The following HYAL4 variants were observed in gnomAD, a reference collection of about 807,000 sequenced individuals.
HYAL4 encodes the protein hyaluronidase 4.
In HYAL4, 37 loss-of-function variants were observed where a neutral mutation model predicts 35.2. The ratio of observed to expected loss-of-function variants is 1.05; its 90% confidence interval spans 0.81 to 1.38. HYAL4 has a LOEUF of 1.38. HYAL4 is among the 40% of genes most tolerant of loss of function. The pLI is 0.00. For missense variants in HYAL4, 572 were observed against 572.4 expected (o/e 1.00, Z 0.01); for synonymous variants, 198 against 203.2 (o/e 0.97, Z 0.22).
chr7:123,855,525 C>T (rs372789117), intron 2 of HYAL4, among the ~76,000 whole-genome samples: 2 of 151,968 alleles, frequency 1.3e-5, no homozygotes, highest in East Asian at 3.9e-4. Context: ...TGATATTGGC[C>T]CCCACTTTCT....
the HYAL4 span, among the ~76,000 whole-genome samples, chr7:123,774,514 T>A: frequency 2.5e-3 from 376 of 152,290 alleles, 2 homozygotes; most frequent in African/African-American, 8.3e-3. Context: ...ATATCTACTA[T>A]AATTGGGATA....
At chr7:123,810,814 C>T in the HYAL4 span, among the ~76,000 whole-genome samples, 1 of 152,170 alleles carries the variant, frequency 6.6e-6, no homozygotes, top group African/African-American at 2.4e-5. Flanking sequence ...CACTGTGTTC[C>T]ACCTATTCAT....
chr7:123,839,373 A>G (rs1806017498), intron 1 of HYAL4, among the ~76,000 whole-genome samples: 1 of 152,028 alleles, frequency 6.6e-6, no homozygotes, highest in Admixed American at 6.6e-5. Flanking sequence ...CATTTTCTTT[A>G]TCCAGTCTAT....
the HYAL4 span, among the ~76,000 whole-genome samples, chr7:123,781,420 C>G: frequency 1.8e-4 from 25 of 141,396 alleles, no homozygotes; most frequent in African/African-American, 5.6e-4. Context: ...GAAACACCCA[C>G]AGATGATCAA....
chr7:123,856,841 C>T (rs1452000328), intron 2 of HYAL4, among the ~76,000 whole-genome samples: 1 of 152,188 alleles, frequency 6.6e-6, no homozygotes, highest in Non-Finnish European at 1.5e-5. Flanking sequence ...TATCTATAAG[C>T]CCCTGACTGG....
upstream of HYAL4, among the ~76,000 whole-genome samples, chr7:123,824,319 C>T (rs756899339): frequency 6.6e-6 from 1 of 152,098 alleles, no homozygotes; most frequent in Non-Finnish European, 1.5e-5. Flanking sequence ...TCCCCACACA[C>T]CAGGCTTGGA....
At chr7:123,776,809 G>T in the HYAL4 span, among the ~76,000 whole-genome samples, 1 of 152,068 alleles carries the variant, frequency 6.6e-6, no homozygotes, top group Admixed American at 6.5e-5. Context: ...CTGGCACAAA[G>T]AGTTGTGAGG....
At chr7:123,803,154 T>C in the HYAL4 span, among the ~76,000 whole-genome samples, 2 of 152,184 alleles carry the variant, frequency 1.3e-5, no homozygotes, top group Admixed American at 6.5e-5. Context: ...ATGGGCAAGG[T>C]GGCATGCACC....
At chr7:123,852,871 A>G (rs1014217783) in intron 2 of HYAL4, among the ~76,000 whole-genome samples, 1 of 152,184 alleles carries the variant, frequency 6.6e-6, no homozygotes, top group South Asian at 2.1e-4. Flanking sequence ...TTCCACAAGC[A>G]TGGAATATTT....
the HYAL4 span, among the ~76,000 whole-genome samples, chr7:123,804,964 C>T: frequency 6.6e-6 from 1 of 152,156 alleles, no homozygotes; most frequent in Non-Finnish European, 1.5e-5. Flanking sequence ...GAGGTGGGGT[C>T]TCCTAAGCAG....
intron 1 of HYAL4, among the ~76,000 whole-genome samples, chr7:123,829,655 C>T (rs1426712464): frequency 1.3e-5 from 2 of 152,014 alleles, no homozygotes; most frequent in Admixed American, 6.6e-5. Flanking sequence ...GACAACATAG[C>T]AAGATCCCAT....
rs1806970232 is a variant in HYAL4 at position 123,874,823 on chromosome 7, G to A, written c.1017G>A (p.Trp339Ter). The change falls in exon 4 of 5, where the codon TGG becomes TGA. Residue 339 changes from tryptophan to a stop codon, truncating the protein, a stop_gained. Transcript: ENST00000223026. LOFTEE classifies it low-confidence loss of function (END_TRUNC). ...TGGGAGCTGCAGGCATTGTTATTTG[G>A]GGAGACATGAATTTAACTGCATCCA... ...AALGAAGIVIWGDMNLTASKA... is the reference protein window; with the variant it reads ...AALGAAGIVI 1 of 1,605,680 alleles carries A rather than the reference G, an allele frequency of 6.2e-7. No individual in the cohort carries two copies. Among genetic ancestry groups the A allele is most frequent in the African/African-American group, 1.3e-5 (1 of 74,710 alleles).
chr7:123,790,723 C>T, the HYAL4 span: 1 of 151,724 alleles, frequency 6.6e-6, no homozygotes, highest in African/African-American at 2.4e-5. Flanking sequence ...AAAGACATGC[C>T]TTTTTATGGC....
At chr7:123,869,480 A>G (rs994924552) in intron 3 of HYAL4, among the ~76,000 whole-genome samples, 2 of 152,196 alleles carry the variant, frequency 1.3e-5, no homozygotes, top group African/African-American at 4.8e-5. Flanking sequence ...AGCAACGACT[A>G]CATTTCCTGC....
chr7:123,869,828 C>T (rs922867528), intron 3 of HYAL4, among the ~76,000 whole-genome samples: 15 of 145,496 alleles, frequency 1.0e-4, no homozygotes, highest in Non-Finnish European at 2.1e-4. Flanking sequence ...GCTGGGTTTA[C>T]AGGTGCTCAC....
chr7:123,782,336 A>T, the HYAL4 span, among the ~76,000 whole-genome samples: 4 of 152,158 alleles, frequency 2.6e-5, no homozygotes, highest in African/African-American at 9.7e-5. Context: ...TTATAGTTTC[A>T]GGAAAAGAGC....
upstream of HYAL4, among the ~76,000 whole-genome samples, chr7:123,843,672 A>G (rs903732117): frequency 1.6e-4 from 24 of 151,826 alleles, no homozygotes; most frequent in African/African-American, 5.6e-4. Context: ...ATAGTCCCAT[A>G]TTTCTTGGAG....
At chr7:123,819,447 C>G in the HYAL4 span, 1 of 152,498 alleles carries the variant, frequency 6.6e-6, no homozygotes, top group East Asian at 1.9e-4. Context: ...AATGATTTCT[C>G]TGTCAGCAAC....
the HYAL4 span, among the ~76,000 whole-genome samples, chr7:123,808,054 C>T: frequency 6.6e-6 from 1 of 151,548 alleles, no homozygotes; most frequent in Non-Finnish European, 1.5e-5. Flanking sequence ...TGATTACAGG[C>T]ATGAGGTACT....
Sources: allele counts gnomAD v4.1 joint callset (sites outside exome capture counted in the v4.1 genomes callset), GRCh38; gene constraint gnomAD v4.1.1; transcripts MANE v1.5; gene names NCBI Gene and HGNC (gene_info 2026-07-23, HGNC 2026-07-21).